CCDC85C: variants seen among roughly 807,000 people sequenced by gnomAD.
The protein encoded by CCDC85C is coiled-coil domain containing 85C.
CCDC85C carries 18 observed loss-of-function variants against 38.3 expected under a neutral mutation model. That is an observed-to-expected ratio of 0.47 (90% CI 0.33 to 0.70). CCDC85C has a LOEUF of 0.70. Ranked by LOEUF, CCDC85C falls within the 30% of genes least tolerant of loss-of-function variation. The pLI, the probability that CCDC85C is intolerant of heterozygous loss-of-function variation, is 0.03. For missense variants in CCDC85C, 566 were observed against 621.2 expected (o/e 0.91, Z 0.94); for synonymous variants, 264 against 293.8 (o/e 0.90, Z 1.04).
intron 1 of CCDC85C, among the ~76,000 whole-genome samples, chr14:99,573,310 G>T (rs183708333): frequency 1.6e-3 from 247 of 152,340 alleles, no homozygotes; most frequent in African/African-American, 5.9e-3. Context: ...TCTGCCTGGT[G>T]CATGGGTCGA....
chr14:99,586,498 A>G (rs2055027187), intron 1 of CCDC85C, among the ~76,000 whole-genome samples: 1 of 152,214 alleles, frequency 6.6e-6, no homozygotes, highest in East Asian at 1.9e-4. Flanking sequence ...GGAACCCACT[A>G]GAATATGCTA....
chr14:99,561,316 T>C (rs1898112509), intron 1 of CCDC85C, among the ~76,000 whole-genome samples: 1 of 152,210 alleles, frequency 6.6e-6, no homozygotes, highest in South Asian at 2.1e-4. Flanking sequence ...AGCTGGCACC[T>C]GGTCGCTCTA....
intron 2 of CCDC85C, among the ~76,000 whole-genome samples, chr14:99,532,764 G>GTTCTTCTTC (rs770013937): frequency 4.8e-5 from 7 of 146,248 alleles, no homozygotes; most frequent in South Asian, 2.2e-4. Flanking sequence ...AGCTCCTCTG[G>GTTCTTCTTC]TTCTTCTTCT....
intron 1 of CCDC85C, among the ~76,000 whole-genome samples, chr14:99,584,719 T>C (rs967865062): frequency 5.3e-5 from 8 of 152,226 alleles, no homozygotes; most frequent in Non-Finnish European, 7.3e-5. Flanking sequence ...AGAATAAGTT[T>C]TCTTACCAGT....
intron 1 of CCDC85C, among the ~76,000 whole-genome samples, chr14:99,553,010 C>A (rs1254592749): frequency 6.6e-6 from 1 of 152,128 alleles, no homozygotes; most frequent in Non-Finnish European, 1.5e-5. Context: ...GGGAGAAGGA[C>A]CCTAGGCTTC....
chr14:99,527,308 T>C (rs1336072085), intron 2 of CCDC85C, among the ~76,000 whole-genome samples: 2 of 152,196 alleles, frequency 1.3e-5, no homozygotes, highest in Non-Finnish European at 2.9e-5. Flanking sequence ...AGTTGGTCAC[T>C]GGTTCTCAAA....
At chr14:99,539,917 C>A (rs192069896) in intron 1 of CCDC85C, among the ~76,000 whole-genome samples, 1 of 152,018 alleles carries the variant, frequency 6.6e-6, no homozygotes, top group South Asian at 2.1e-4. Context: ...GAGGCCGAGG[C>A]GGGCGGATCA....
At chr14:99,587,765 T>C (rs1432625517) in intron 1 of CCDC85C, among the ~76,000 whole-genome samples, 1 of 152,156 alleles carries the variant, frequency 6.6e-6, no homozygotes, top group African/African-American at 2.4e-5. Context: ...AGGACCCCTG[T>C]GCCCCCTTAC....
At chr14:99,577,614 G>T (rs769133476) in intron 1 of CCDC85C, among the ~76,000 whole-genome samples, 12 of 152,100 alleles carry the variant, frequency 7.9e-5, no homozygotes, top group Non-Finnish European at 1.8e-4. Context: ...TGAAGTGTGT[G>T]TCTGCGAGTG....
intron 1 of CCDC85C, among the ~76,000 whole-genome samples, chr14:99,586,629 A>T (rs1232656234): frequency 6.6e-6 from 1 of 152,190 alleles, no homozygotes; most frequent in Admixed American, 6.5e-5. Flanking sequence ...CCCTTTCATG[A>T]TAAACGCGTC....
rs766091421 is a variant in CCDC85C at position 99,501,437 on chromosome 14, A to G, written c.*13809T>C. The G allele has an allele frequency of 3.4e-6, 5 of 1,455,184 alleles. No homozygotes were observed. In the South Asian group the frequency reaches 5.7e-5, roughly 17 times the overall value. The allele number at this position is 1,455,184 out of a possible 1,614,324, so 90.1% of individuals were successfully genotyped here. On this transcript the variant is annotated 3_prime_UTR_variant, in exon 6 of 6. Transcript: ENST00000380243. ...AGGTATACATGTTCAAATGTTGATT[A>G]ATTACAGTATTTTAAAATAGGCAGA...
Position 99,531,163 on chromosome 14 carries a change from G to A in CCDC85C, c.867+4852C>T, listed in dbSNP as rs891018657. Among the ~76,000 whole-genome samples the A allele has an allele frequency of 2.0e-5, 3 of 152,252 alleles. No individual in the cohort carries two copies. The East Asian group carries it at 5.8e-4, about 30-fold the overall frequency. On this transcript the variant is annotated intron_variant, in intron 2 of 5. Transcript: ENST00000380243. ...CACAGCGTGGGGGAAGAGGGGAGAG[G>A]AGGAGGGTGGGCTGGGGGCCCTTCA...
chr14:99,555,418 C>T (rs113536274), intron 1 of CCDC85C, among the ~76,000 whole-genome samples: 46 of 152,210 alleles, frequency 3.0e-4, no homozygotes, highest in African/African-American at 1.1e-3. Flanking sequence ...CGTGCCCTGG[C>T]CCTGCCCCAC....
rs59907007 is a variant in CCDC85C, at chr14:99,538,594, C to A, written c.794-2506G>T. The stretch of plus-strand genomic sequence containing the variant: ...GAGGTGGGTGCACTTTCAGCCCACC[C>A]GCCTCCCCCTGCTGGTTCCCACAGG... On this transcript the variant is annotated intron_variant, in intron 1 of 5. Transcript: ENST00000380243. Among the ~76,000 whole-genome samples the A allele has an allele frequency of 8.9e-4, 135 of 152,320 alleles. 1 individual carries two copies. In the East Asian group the frequency reaches 0.022, roughly 25 times the overall value.
At chr14:99,555,549 T>A (rs1194975255) in intron 1 of CCDC85C, among the ~76,000 whole-genome samples, 1 of 152,206 alleles carries the variant, frequency 6.6e-6, no homozygotes, top group African/African-American at 2.4e-5. Context: ...ATTACAGCCC[T>A]GTTGGATGAA....
chr14:99,580,161 A>C (rs900310432), intron 1 of CCDC85C: 1 of 454,724 alleles, frequency 2.2e-6, no homozygotes, highest in Non-Finnish European at 4.4e-6. Flanking sequence ...GGCCCCCGGC[A>C]CACCCAGAGG....
chr14:99,501,295 C>T lies in CCDC85C; in HGVS notation c.*13951G>A. ...ACACGTGGTAGGTTTTTAATAAATACTTGATGCTGCCTGTGAATTTTTCTA... is the reference window on the plus strand; with the variant it reads ...ACACGTGGTAGGTTTTTAATAAATATTTGATGCTGCCTGTGAATTTTTCTA... On this transcript the variant is annotated 3_prime_UTR_variant, in exon 6 of 6. Transcript: ENST00000380243. 1 of 1,087,126 alleles carries T rather than the reference C, an allele frequency of 9.2e-7. No individual in the cohort carries two copies. The highest frequency in any genetic ancestry group is 1.3e-5 in the South Asian group (1 of 79,970). 67.3% of individuals were successfully genotyped at this position (1,087,126 alleles called of 1,614,324 possible). A position where few individuals can be genotyped will look rare whatever the true frequency, so the allele number is the denominator to read the frequency against.
At chr14:99,555,858 C>T (rs1020196981) in intron 1 of CCDC85C, among the ~76,000 whole-genome samples, 4 of 152,230 alleles carry the variant, frequency 2.6e-5, no homozygotes, top group African/African-American at 9.6e-5. Flanking sequence ...TCCCAAACCA[C>T]GTAATCAAGT....
At chr14:99,601,026 A>G (rs1295267316) in intron 1 of CCDC85C, among the ~76,000 whole-genome samples, 9 of 152,166 alleles carry the variant, frequency 5.9e-5, no homozygotes. Flanking sequence ...CCCTGTCTCG[A>G]AAAAAGGGAA....
Sources: allele counts gnomAD v4.1 joint callset (sites outside exome capture counted in the v4.1 genomes callset), GRCh38; gene constraint gnomAD v4.1.1; transcripts MANE v1.5; gene names NCBI Gene and HGNC (gene_info 2026-07-23, HGNC 2026-07-21).